The following MIA2 variants were observed in gnomAD, a reference collection of about 807,000 sequenced individuals.
MIA2 encodes the protein MIA SH3 domain ER export factor 2, also known as melanoma inhibitory activity protein 2.
MIA2 carries 127 observed loss-of-function variants against 167.8 expected under a neutral mutation model. The observed-to-expected ratio is 0.76, with a 90% CI of 0.66 to 0.88. The LOEUF is 0.88. MIA2 is among the 40% of genes least tolerant of loss of function. The pLI is 0.00. For missense variants in MIA2, 1,690 were observed against 1,624.7 expected (o/e 1.04, Z -0.69); for synonymous variants, 552 against 541.9 (o/e 1.02, Z -0.26).
intron 24 of MIA2, among the ~76,000 whole-genome samples, chr14:39,325,238 A>T (rs912826449): frequency 5.3e-4 from 80 of 151,008 alleles, no homozygotes; most frequent in African/African-American, 1.6e-3. Flanking sequence ...AAAAAAAAAA[A>T]TGTTTTTAAA....
At chr14:39,269,151 G>C (rs1264963573) in intron 6 of MIA2, 1 of 705,820 alleles carries the variant, frequency 1.4e-6, no homozygotes, top group African/African-American at 2.1e-5. Context: ...ACATTGTTCC[G>C]CTTTAAATTT....
chr14:39,369,664 G>T (rs560895243), intron 23 of MIA2, among the ~76,000 whole-genome samples: 2 of 152,274 alleles, frequency 1.3e-5, no homozygotes, highest in African/African-American at 4.8e-5. Context: ...TGGGATTTCA[G>T]TCAGCTCTTT....
At chr14:39,311,745 C>A (rs1219487558) in intron 18 of MIA2, among the ~76,000 whole-genome samples, 2 of 151,354 alleles carry the variant, frequency 1.3e-5, no homozygotes, top group Non-Finnish European at 2.9e-5. Flanking sequence ...CCACCTTGGC[C>A]TTTCAAAGTG....
chr14:39,371,514 A>C (rs17109162), intron 23 of MIA2, among the ~76,000 whole-genome samples: 4,669 of 152,318 alleles, frequency 0.031, 265 homozygotes, highest in African/African-American at 0.11. Context: ...ACGAGAATCC[A>C]GTGTTATAAT....
In MIA2 at chr14:39,329,680, G is replaced by C. The variant is rs182012164; in HGVS notation, c.3655+2658G>C. Among the ~76,000 whole-genome samples, 1,140 of 151,236 alleles carry C rather than the reference G, an allele frequency of 7.5e-3. 14 individuals carry two copies. Among genetic ancestry groups the C allele is most frequent in the African/African-American group, 0.025 (1,035 of 41,160 alleles). On this transcript the variant is annotated intron_variant, in intron 25 of 28. Coordinates refer to ENST00000640607, the MANE Select transcript of MIA2 (RefSeq NM_001329214.4). ...TTTTTTTTTTTTTTTTAGCATGAAGGGGTGTTGGATTTTATCAAAGGCCTT... is the reference window on the plus strand; with the variant it reads ...TTTTTTTTTTTTTTTTAGCATGAAGCGGTGTTGGATTTTATCAAAGGCCTT...
At chr14:39,329,389 T>C (rs1051516575) in intron 25 of MIA2, among the ~76,000 whole-genome samples, 3 of 152,174 alleles carry the variant, frequency 2.0e-5, no homozygotes, top group Admixed American at 2.0e-4. Context: ...AAATATACAA[T>C]CATGTCATCT....
At position 39,299,653 on chromosome 14, in the gene MIA2, T is replaced by TA. The variant is rs566186190; in HGVS notation, c.2497-210dup. Among the ~76,000 whole-genome samples the TA allele has an allele frequency of 1.6e-4, 24 of 152,320 alleles. No homozygotes were observed. In the East Asian group the frequency reaches 4.4e-3, roughly 28 times the overall value. ...TGGTAAGAAATGATCAAATCTAAGA[T>TA]ATGTATATCTCAGGAAACCTTTATT... is the stretch of plus-strand genomic sequence containing the variant. On this transcript the variant is annotated intron_variant, in intron 13 of 28. Transcript: ENST00000640607.
Position 39,247,171 on chromosome 14 carries a change from AGTT to A in MIA2, c.602_604del (p.Val201del). The A allele has an allele frequency of 1.2e-6, 2 of 1,614,176 alleles. No homozygotes were observed. The highest frequency in any genetic ancestry group is 1.7e-6 in the Non-Finnish European group (2 of 1,180,032). ...GTGAATCAAAAGACTGGGAAGAAGT[AGTT>A]GTTGAAAGTATGGAACAGGATCGTA... On this transcript the variant is annotated inframe_deletion, in exon 4 of 29. Coordinates refer to ENST00000640607, the MANE Select transcript of MIA2 (RefSeq NM_001329214.4).
At position 39,259,597 on chromosome 14, in the gene MIA2, C is replaced by G. The variant is rs116302390; in HGVS notation, c.1887+6426C>G. ...CCAGGGTGGAGTACAGTGGCCCTAT[C>G]ACAGCTCACTGCAGCCTCAGCCTGC... On this transcript the variant is annotated intron_variant, in intron 6 of 28. Coordinates refer to ENST00000640607, the MANE Select transcript of MIA2 (RefSeq NM_001329214.4). Among the ~76,000 whole-genome samples the G allele has an allele frequency of 3.8e-3, 576 of 151,866 alleles. 2 individuals carry two copies. The highest frequency in any genetic ancestry group is 0.013 in the African/African-American group (538 of 41,410).
At chr14:39,274,715 C>T (rs1366045187) in intron 6 of MIA2, among the ~76,000 whole-genome samples, 12 of 151,572 alleles carry the variant, frequency 7.9e-5, no homozygotes, top group East Asian at 1.9e-4. Flanking sequence ...CCTGAGCCAC[C>T]GTGCGTGGCC....
intron 9 of MIA2, among the ~76,000 whole-genome samples, chr14:39,286,722 C>G (rs973838945): frequency 5.4e-5 from 7 of 129,718 alleles, no homozygotes; most frequent in Admixed American, 5.2e-4. Context: ...GAGACAGGCT[C>G]TCACTCTGTT....
rs11349799 is a variant in MIA2 at position 39,289,227 on chromosome 14, CTT to C, written c.2131-1780_2131-1779del. 2.3e-3 allele frequency among the ~76,000 whole-genome samples: 329 copies of C among 145,934 alleles called. 4 individuals are homozygous for C. Among genetic ancestry groups the C allele is most frequent in the African/African-American group, 4.6e-3 (181 of 39,742 alleles). ...CTTTGTTGTAAGGTAGGCAGGTTTT[CTT>C]TTTTTTTTTTTGAGACAGTCTTGCT... On this transcript the variant is annotated intron_variant, in intron 9 of 28. Coordinates refer to ENST00000640607, the MANE Select transcript of MIA2 (RefSeq NM_001329214.4).
At chr14:39,359,508 G>A (rs565911411) in intron 23 of MIA2, among the ~76,000 whole-genome samples, 6 of 152,314 alleles carry the variant, frequency 3.9e-5, no homozygotes, top group African/African-American at 1.4e-4. Context: ...CCCAGGTGAG[G>A]CGATGCTTTG....
chr14:39,299,512 G>A (rs960153476), intron 13 of MIA2, among the ~76,000 whole-genome samples: 5 of 151,626 alleles, frequency 3.3e-5, no homozygotes, highest in Non-Finnish European at 5.9e-5. Flanking sequence ...TCACCATGTT[G>A]GCCAGGATGG....
intron 7 of MIA2, among the ~76,000 whole-genome samples, chr14:39,278,646 G>A (rs1353732904): frequency 1.3e-5 from 2 of 152,288 alleles, no homozygotes; most frequent in East Asian, 1.9e-4. Flanking sequence ...AGTCAGTTCA[G>A]ATCTATGGCC....
At chr14:39,374,688 A>C (rs2075013570) in intron 23 of MIA2, among the ~76,000 whole-genome samples, 1 of 152,240 alleles carries the variant, frequency 6.6e-6, no homozygotes, top group Non-Finnish European at 1.5e-5. Flanking sequence ...CTTCCTATCA[A>C]GGTATGTGTT....
At chr14:39,310,209 G>T (rs1232084470) in intron 18 of MIA2, among the ~76,000 whole-genome samples, 1 of 152,118 alleles carries the variant, frequency 6.6e-6, no homozygotes, top group Non-Finnish European at 1.5e-5. Context: ...GTGACACTCT[G>T]CTTTCTTGTT....
At chr14:39,278,249 T>G (rs1161036870) in intron 7 of MIA2, among the ~76,000 whole-genome samples, 4 of 152,132 alleles carry the variant, frequency 2.6e-5, no homozygotes, top group Non-Finnish European at 5.9e-5. Context: ...TAGGCATTAA[T>G]CACCACGCCT....
At chr14:39,266,813 G>GT in intron 6 of MIA2, 2 of 928,560 alleles carry the variant, frequency 2.2e-6, no homozygotes, top group Non-Finnish European at 2.6e-6. Context: ...GGGTGTCGGG[G>GT]CTGGGCCTGG....
Sources: gnomAD v4.1 joint callset for allele counts (sites outside exome capture counted in the v4.1 genomes callset) on GRCh38, gnomAD v4.1.1 for gene constraint, MANE v1.5 for transcripts, NCBI Gene and HGNC (gene_info 2026-07-23, HGNC 2026-07-21) for gene names.